The following HIBCH variants were observed in gnomAD, a reference collection of about 807,000 sequenced individuals.
HIBCH encodes 3-hydroxyisobutyryl-CoA hydrolase.
HIBCH carries 50 observed loss-of-function variants against 58.2 expected under a neutral mutation model. That is an observed-to-expected ratio of 0.86 (90% CI 0.68 to 1.09). The LOEUF is 1.09. Ranked by LOEUF, HIBCH falls within the 50% of genes least tolerant of loss-of-function variation. HIBCH has a pLI of 0.00. For missense variants in HIBCH, 450 were observed against 449.7 expected, an observed-to-expected ratio of 1.00 and a Z score of -0.01; for synonymous variants, 151 against 146.9, an observed-to-expected ratio of 1.03 and a Z score of -0.20.
chr2:190,317,968 G>A (rs1186434782), intron 1 of HIBCH, among the ~76,000 whole-genome samples: 12 of 151,210 alleles, frequency 7.9e-5, no homozygotes, highest in Admixed American at 7.2e-4. Flanking sequence ...GGATTACAGG[G>A]CCCTGCCACC....
chr2:190,239,774 T>C (rs991777652), intron 11 of HIBCH, among the ~76,000 whole-genome samples: 1 of 151,506 alleles, frequency 6.6e-6, no homozygotes, highest in Non-Finnish European at 1.5e-5. Context: ...CTCAGCCTCC[T>C]GAGTAGCTGG....
intron 3 of HIBCH, among the ~76,000 whole-genome samples, chr2:190,295,285 T>G (rs1054557368): frequency 6.6e-6 from 1 of 152,218 alleles, no homozygotes; most frequent in African/African-American, 2.4e-5. Context: ...CTGAAATGCT[T>G]GGGACCAAAA....
chr2:190,256,138 A>G (rs1167600132), intron 7 of HIBCH, among the ~76,000 whole-genome samples: 1 of 152,156 alleles, frequency 6.6e-6, no homozygotes, highest in Non-Finnish European at 1.5e-5. Context: ...CCATGATCCA[A>G]TCAGCTCCTA....
chr2:190,239,056 G>C (rs1212356453), intron 11 of HIBCH, among the ~76,000 whole-genome samples: 1 of 152,118 alleles, frequency 6.6e-6, no homozygotes, highest in African/African-American at 2.4e-5. Context: ...TATGTCCTGA[G>C]TGGTATTGCC....
chr2:190,262,463 A>G (rs564828768), intron 6 of HIBCH, among the ~76,000 whole-genome samples: 31 of 152,300 alleles, frequency 2.0e-4, no homozygotes, highest in Admixed American at 1.7e-3. Context: ...CTAGACCTAG[A>G]TCCTGCCATC....
At chr2:190,287,058 G>GTGTGTGTGTGTGTGTGTA (rs10662510) in intron 6 of HIBCH, among the ~76,000 whole-genome samples, 2,264 of 147,670 alleles carry the variant, frequency 0.015, 28 homozygotes, top group African/African-American at 0.028. Flanking sequence ...GTGTGTGTGT[G>GTGTGTGTGTGTGTGTGTA]TATACATATA....
intron 11 of HIBCH, among the ~76,000 whole-genome samples, chr2:190,237,848 G>A (rs1686325779): frequency 6.6e-6 from 1 of 151,520 alleles, no homozygotes; most frequent in African/African-American, 2.4e-5. Context: ...GGGCCCCAGT[G>A]TGTGATGTTC....
chr2:190,313,643 C>CAAAA lies in HIBCH; in HGVS notation c.36-2851_36-2848dup, dbSNP rs546101154. 2.4e-3 allele frequency among the ~76,000 whole-genome samples: 191 copies of CAAAA among 78,256 alleles called. 1 individual carries two copies. Among genetic ancestry groups the CAAAA allele is most frequent in the African/African-American group, 2.9e-3 (57 of 19,732 alleles). The allele number at this position is 78,256 out of a possible 152,430, so 51.3% of individuals were successfully genotyped here. ...CTGGGTGACAAGAGACTCTGTCTCA[C>CAAAA]AAAAAAAAAAAAAAAAAAAAAGGAA... On this transcript the variant is annotated intron_variant, in intron 1 of 13. Coordinates refer to ENST00000359678, the MANE Select transcript of HIBCH (RefSeq NM_014362.4).
At chr2:190,270,375 C>T (rs1297779944) in intron 6 of HIBCH, among the ~76,000 whole-genome samples, 5 of 150,954 alleles carry the variant, frequency 3.3e-5, no homozygotes, top group Admixed American at 1.3e-4. Context: ...TAAACACAGA[C>T]ACATGTAAAC....
At chr2:190,219,611 A>G (rs762723526) in intron 11 of HIBCH, among the ~76,000 whole-genome samples, 4 of 152,260 alleles carry the variant, frequency 2.6e-5, no homozygotes, top group African/African-American at 9.6e-5. Flanking sequence ...ATTGCAGTGC[A>G]TTGTGGGCTG....
intron 11 of HIBCH, among the ~76,000 whole-genome samples, chr2:190,220,655 C>T (rs1162177579): frequency 6.6e-6 from 1 of 151,760 alleles, no homozygotes; most frequent in East Asian, 1.9e-4. Flanking sequence ...CCAAGGCAGT[C>T]TGCATACTGT....
intron 1 of HIBCH, among the ~76,000 whole-genome samples, chr2:190,198,123 G>A (rs577755408): frequency 2.6e-5 from 4 of 152,042 alleles, no homozygotes; most frequent in Non-Finnish European, 4.4e-5. Flanking sequence ...CGTGAAGCAG[G>A]GCATACAGAA....
Position 190,209,148 on chromosome 2 carries a change from T to C in HIBCH, c.1012-235A>G, listed in dbSNP as rs749354756. ...TGATCTTACTGAGGTCCACAGATCCTATGACTTTCTCCCCATCTGTGCTGG... is the reference window on the plus strand; with the variant it reads ...TGATCTTACTGAGGTCCACAGATCCCATGACTTTCTCCCCATCTGTGCTGG... On this transcript the variant is annotated intron_variant, in intron 12 of 13. Transcript: ENST00000359678. The surrounding 1 kb of genome is among the most constrained non-coding windows in gnomAD (Gnocchi z 5.6). Among the ~76,000 whole-genome samples the C allele has an allele frequency of 6.6e-6, 1 of 152,190 alleles. No homozygotes were observed. Among genetic ancestry groups the C allele is most frequent in the Non-Finnish European group, 1.5e-5 (1 of 68,032 alleles).
chr2:190,257,672 T>C (rs954116158), intron 7 of HIBCH, among the ~76,000 whole-genome samples: 4 of 152,168 alleles, frequency 2.6e-5, no homozygotes, highest in African/African-American at 9.7e-5. Context: ...AAAAAAATTA[T>C]TTCTCACAGT....
intron 11 of HIBCH, among the ~76,000 whole-genome samples, chr2:190,232,460 C>T (rs1349889576): frequency 6.6e-6 from 1 of 152,176 alleles, no homozygotes; most frequent in Non-Finnish European, 1.5e-5. Context: ...CTCTAATGCA[C>T]TTCACAAGAT....
chr2:190,305,698 G>A (rs1559063957), intron 2 of HIBCH, among the ~76,000 whole-genome samples: 1 of 152,088 alleles, frequency 6.6e-6, no homozygotes, highest in Admixed American at 6.5e-5. Flanking sequence ...TGAGAGGTAC[G>A]TAAGAACTCT....
Position 190,279,313 on chromosome 2 carries a change from G to A in HIBCH, c.438+8273C>T, listed in dbSNP as rs1687642304. Among the ~76,000 whole-genome samples the A allele has an allele frequency of 6.6e-6, 1 of 152,114 alleles. No homozygotes were observed. Among genetic ancestry groups the A allele is most frequent in the South Asian group, 2.1e-4 (1 of 4,822 alleles). On this transcript the variant is annotated intron_variant, in intron 6 of 13. Coordinates refer to ENST00000359678, the MANE Select transcript of HIBCH (RefSeq NM_014362.4). The surrounding 1 kb of genome is among the most constrained non-coding windows in gnomAD (Gnocchi z 4.2). Reference sequence around the variant, plus strand: ...ATTAAGTTTCAACATGAGTTTCGGTGGGGACAAATATTCAAACCGTAGCAT... The same window carrying A: ...ATTAAGTTTCAACATGAGTTTCGGTAGGGACAAATATTCAAACCGTAGCAT...
intron 4 of HIBCH, among the ~76,000 whole-genome samples, chr2:190,292,574 G>A (rs1414077016): frequency 6.6e-6 from 1 of 152,222 alleles, no homozygotes; most frequent in East Asian, 1.9e-4. Context: ...GCCTCCCAAA[G>A]TGCTGAGATT....
In HIBCH at chr2:190,281,530, G is replaced by A. The variant is rs926219706; in HGVS notation, c.438+6056C>T. Among the ~76,000 whole-genome samples the A allele has an allele frequency of 1.6e-4, 25 of 152,160 alleles. No homozygotes were observed. The highest frequency in any genetic ancestry group is 3.2e-3 in the Middle Eastern group (1 of 316). ...TGAGAAAGGGAGGCTCAAAGGTCTC[G>A]GAAATGCCTTGAGGGTCTTTCTCCC... On this transcript the variant is annotated intron_variant, in intron 6 of 13. Transcript: ENST00000359678. The surrounding 1 kb of genome is among the most constrained non-coding windows in gnomAD (Gnocchi z 5.4).
Sources: allele counts gnomAD v4.1 joint callset (sites outside exome capture counted in the v4.1 genomes callset), GRCh38; gene constraint gnomAD v4.1.1; non-coding constraint Gnocchi (gnomAD v3.1); transcripts MANE v1.5; gene names NCBI Gene and HGNC (gene_info 2026-07-23, HGNC 2026-07-21).